Variants in SUMF1 observed in about 807,000 individuals in gnomAD.
SUMF1 encodes formylglycine-generating enzyme.
SUMF1 carries 48 observed loss-of-function variants against 47.6 expected under a neutral mutation model. That is an observed-to-expected ratio of 1.01 (90% CI 0.80 to 1.28). The LOEUF (loss-of-function observed/expected upper bound fraction) is 1.28. Among genes scored for constraint, SUMF1 ranks in the 50% most tolerant of loss-of-function variants. SUMF1 has a pLI of 0.00. For synonymous variants in SUMF1, 230 were observed against 192.1 expected (o/e 1.20, Z -1.63); for missense variants, 571 against 485.4 (o/e 1.18, Z -1.66).
In SUMF1 at chr3:4,294,054, A is replaced by C. The variant is rs150870830; in HGVS notation, c.1014+82276T>G. ...GTGAAATACATTTTTTAAAATACCTAATCTATTGGAATTTCAGTTCTCAGA... is the reference window on the plus strand; with the variant it reads ...GTGAAATACATTTTTTAAAATACCTCATCTATTGGAATTTCAGTTCTCAGA... On this transcript the variant is annotated intron_variant and NMD_transcript_variant, in intron 8 of 12. Transcript: ENST00000448413. Among the ~76,000 whole-genome samples, 21 of 152,268 alleles carry C rather than the reference A, an allele frequency of 1.4e-4. 1 individual carries two copies. The highest frequency in any genetic ancestry group is 4.6e-4 in the Admixed American group (7 of 15,296).
chr3:4,116,296 TG>T (rs1693422509), intron 8 of SUMF1, among the ~76,000 whole-genome samples: 1 of 152,154 alleles, frequency 6.6e-6, no homozygotes. Flanking sequence ...CTCTTTAGTG[TG>T]TTCAAGAAAC....
intron 8 of SUMF1, among the ~76,000 whole-genome samples, chr3:4,113,061 G>T (rs1199355492): frequency 6.6e-6 from 1 of 151,922 alleles, no homozygotes. Flanking sequence ...TTTAAAATGA[G>T]ATTTAAAAAT....
At chr3:4,184,613 C>A (rs1470696988) in intron 8 of SUMF1, among the ~76,000 whole-genome samples, 1 of 151,610 alleles carries the variant, frequency 6.6e-6, no homozygotes, top group Non-Finnish European at 1.5e-5. Flanking sequence ...AAATCCAATA[C>A]CATCTGTCTA....
At chr3:4,224,142 T>G (rs1161748916) in intron 8 of SUMF1, among the ~76,000 whole-genome samples, 1 of 151,922 alleles carries the variant, frequency 6.6e-6, no homozygotes, top group Non-Finnish European at 1.5e-5. Flanking sequence ...AGCAGAAAAA[T>G]CAGTCATGAT....
chr3:4,323,590 G>A (rs1265331615), intron 8 of SUMF1, among the ~76,000 whole-genome samples: 3 of 152,282 alleles, frequency 2.0e-5, no homozygotes, highest in Admixed American at 6.5e-5. Context: ...AGAGGAGAAA[G>A]AGAAGGAGGA....
chr3:4,454,730 G>C (rs1703096155), intron 1 of SUMF1, among the ~76,000 whole-genome samples: 1 of 152,096 alleles, frequency 6.6e-6, no homozygotes, highest in African/African-American at 2.4e-5. Flanking sequence ...CTATAAAATG[G>C]AATAATATTC....
intron 3 of SUMF1, among the ~76,000 whole-genome samples, chr3:4,422,741 C>T (rs1701941867): frequency 6.6e-6 from 1 of 151,980 alleles, no homozygotes; most frequent in Admixed American, 6.5e-5. Flanking sequence ...GAGAAGGCCC[C>T]TGCCATTTCC....
chr3:4,295,813 A>C (rs1697838947), intron 8 of SUMF1, among the ~76,000 whole-genome samples: 1 of 152,230 alleles, frequency 6.6e-6, no homozygotes, highest in South Asian at 2.1e-4. Context: ...ATTACTTCAC[A>C]GCTAAAGTAC....
chr3:4,049,252 GA>G (rs1046815715), intron 9 of SUMF1, among the ~76,000 whole-genome samples: 6 of 152,168 alleles, frequency 3.9e-5, no homozygotes, highest in Non-Finnish European at 4.4e-5. Context: ...ATGGCAGAAG[GA>G]AAATGGGGCA....
rs183873202 is a variant in SUMF1, at chr3:4,425,429, A to G, written c.520-5283T>C. Among the ~76,000 whole-genome samples, 6 of 152,310 alleles carry G rather than the reference A, an allele frequency of 3.9e-5. No individual in the cohort carries two copies. In the East Asian group the frequency reaches 1.2e-3, roughly 29 times the overall value. On this transcript the variant is annotated intron_variant, in intron 3 of 8. Transcript: ENST00000272902. The stretch of plus-strand genomic sequence containing the variant: ...TTCATTTATGTTATTACATGTTACA[A>G]TATTCTCTTAGAGCTTTCAGAGAAC...
intron 8 of SUMF1, among the ~76,000 whole-genome samples, chr3:4,208,095 G>A (rs1464771768): frequency 6.6e-6 from 1 of 152,052 alleles, no homozygotes; most frequent in East Asian, 1.9e-4. Flanking sequence ...TTCTTAATAA[G>A]GAATACCCTC....
At chr3:4,335,883 C>T (rs932295327) in intron 8 of SUMF1, among the ~76,000 whole-genome samples, 2 of 141,954 alleles carry the variant, frequency 1.4e-5, no homozygotes, top group Admixed American at 7.8e-5. Flanking sequence ...TTGCTTGAAT[C>T]CAGGAGGCAG....
intron 8 of SUMF1, among the ~76,000 whole-genome samples, chr3:4,226,442 G>A (rs1696177093): frequency 6.6e-6 from 1 of 151,426 alleles, no homozygotes; most frequent in Non-Finnish European, 1.5e-5. Context: ...GCTAATTTTT[G>A]TCTTTTTAGT....
chr3:4,163,739 A>T (rs536947167), intron 8 of SUMF1, among the ~76,000 whole-genome samples: 1 of 152,104 alleles, frequency 6.6e-6, no homozygotes, highest in Admixed American at 6.5e-5. Flanking sequence ...CTGTTCTTTC[A>T]ATTTTACCAG....
intron 8 of SUMF1, among the ~76,000 whole-genome samples, chr3:4,235,119 G>C (rs1195885922): frequency 6.6e-6 from 1 of 152,134 alleles, no homozygotes; most frequent in African/African-American, 2.4e-5. Flanking sequence ...ACAACAGTGG[G>C]CTGGACAAGA....
At chr3:4,315,010 A>G (rs185694689) in intron 8 of SUMF1, among the ~76,000 whole-genome samples, 178 of 152,330 alleles carry the variant, frequency 1.2e-3, no homozygotes, top group South Asian at 2.3e-3. Flanking sequence ...TTATATCTCA[A>G]TAAAGCTAGG....
chr3:4,348,797 C>A (rs1408770709), intron 8 of SUMF1, among the ~76,000 whole-genome samples: 1 of 152,154 alleles, frequency 6.6e-6, no homozygotes, highest in East Asian at 1.9e-4. Flanking sequence ...ATCACTTGAA[C>A]CCAGAAGGCA....
At chr3:4,275,079 C>A (rs7427537) in intron 8 of SUMF1, among the ~76,000 whole-genome samples, 2 of 152,058 alleles carry the variant, frequency 1.3e-5, no homozygotes, top group African/African-American at 4.8e-5. Context: ...TAGGGTTGGT[C>A]TGGGTTTTTG....
At chr3:4,307,567 CTTAAG>C (rs987285422) in intron 8 of SUMF1, among the ~76,000 whole-genome samples, 3 of 152,160 alleles carry the variant, frequency 2.0e-5, no homozygotes, top group African/African-American at 4.8e-5. Flanking sequence ...TGTATTTTCT[CTTAAG>C]TTTTCTGTCA....
Sources: gnomAD v4.1 joint callset for allele counts (sites outside exome capture counted in the v4.1 genomes callset) on GRCh38, gnomAD v4.1.1 for gene constraint, MANE v1.5 for transcripts, NCBI Gene and HGNC (gene_info 2026-07-23, HGNC 2026-07-21) for gene names.